Variants in KCNT1 observed in about 807,000 individuals in gnomAD.
The protein encoded by KCNT1 is potassium sodium-activated channel subfamily T member 1, also known as potassium channel subfamily T member 1.
A neutral mutation model predicts 147.8 loss-of-function variants in KCNT1; 78 were observed. The ratio of observed to expected loss-of-function variants is 0.53; its 90% CI spans 0.44 to 0.64. The LOEUF is 0.64. KCNT1 is among the 30% of genes least tolerant of loss of function. KCNT1 has a pLI of 0.00. For synonymous variants in KCNT1, 867 were observed against 748.8 expected (o/e 1.16, Z -2.58); for missense variants, 1,419 against 1,750.3 (o/e 0.81, Z 3.38).
At chr9:135,731,991 T>TATATATATATATATATAGAG (rs1276318460) in intron 2 of KCNT1, among the ~76,000 whole-genome samples, 2 of 21,746 alleles carry the variant, frequency 9.2e-5, no homozygotes, top group African/African-American at 1.7e-4. Flanking sequence ...TATATATATA[T>TATATATATATATATATAGAG]AGAGAGAGAG....
chr9:135,738,605 C>G (rs961470314), intron 2 of KCNT1, among the ~76,000 whole-genome samples: 2 of 152,180 alleles, frequency 1.3e-5, no homozygotes, highest in Non-Finnish European at 2.9e-5. Context: ...AGACTCTGCC[C>G]GTCTCATTGT....
At position 135,739,553 on chromosome 9, in the gene KCNT1, G is replaced by A. The variant is rs540509603; in HGVS notation, c.255-10545G>A. Among the ~76,000 whole-genome samples, 517 of 151,036 alleles carry A rather than the reference G, an allele frequency of 3.4e-3. 2 individuals are homozygous for A. The highest frequency in any genetic ancestry group is 0.011 in the African/African-American group (466 of 40,968). On this transcript the variant is annotated intron_variant, in intron 2 of 30. Transcript: ENST00000371757. Reference sequence around the variant, plus strand: ...TGCTCCTCCATGCCCCCCTCACCCCGGGCACACGCCCGGCGCCCCACCCTC... The same window carrying A: ...TGCTCCTCCATGCCCCCCTCACCCCAGGCACACGCCCGGCGCCCCACCCTC...
chr9:135,764,319 C>T (rs1832110061), intron 11 of KCNT1, among the ~76,000 whole-genome samples: 1 of 151,906 alleles, frequency 6.6e-6, no homozygotes, highest in South Asian at 2.1e-4. Flanking sequence ...ACTAGCTGGT[C>T]ATGGTGGTGA....
intron 24 of KCNT1, among the ~76,000 whole-genome samples, chr9:135,781,995 C>T (rs1833644383): frequency 6.6e-6 from 1 of 152,166 alleles, no homozygotes; most frequent in African/African-American, 2.4e-5. Context: ...GGACGGATCA[C>T]CTGAGGTCAG....
intron 11 of KCNT1, among the ~76,000 whole-genome samples, chr9:135,763,814 G>A (rs10858167): frequency 0.16 from 24,637 of 152,130 alleles, 2,345 homozygotes; most frequent in Non-Finnish European, 0.21. Context: ...CGGAGCTGCC[G>A]TCATTAGCTC....
At chr9:135,720,196 G>A (rs549881074) in intron 2 of KCNT1, among the ~76,000 whole-genome samples, 1 of 151,992 alleles carries the variant, frequency 6.6e-6, no homozygotes, top group Admixed American at 6.5e-5. Flanking sequence ...CCATTCACCC[G>A]ACCCTACCCC....
intron 2 of KCNT1, among the ~76,000 whole-genome samples, chr9:135,745,357 C>T (rs998875148): frequency 1.3e-5 from 2 of 152,150 alleles, no homozygotes; most frequent in African/African-American, 2.4e-5. Flanking sequence ...TTGCCATGAG[C>T]GGGTCCCCTG....
chr9:135,705,623 A>G (rs761713516), intron 1 of KCNT1, among the ~76,000 whole-genome samples: 1 of 152,174 alleles, frequency 6.6e-6, no homozygotes, highest in Non-Finnish European at 1.5e-5. Context: ...GGCATCTTTC[A>G]AAGGTGTCTT....
chr9:135,715,176 G>A (rs1273121660), intron 2 of KCNT1, among the ~76,000 whole-genome samples: 1 of 152,184 alleles, frequency 6.6e-6, no homozygotes, highest in African/African-American at 2.4e-5. Context: ...TCAGGTTCGT[G>A]ACCTGGTCAC....
At chr9:135,743,775 C>T (rs1439674995) in intron 2 of KCNT1, among the ~76,000 whole-genome samples, 1 of 152,234 alleles carries the variant, frequency 6.6e-6, no homozygotes, top group African/African-American at 2.4e-5. Flanking sequence ...CCCAGCTGGA[C>T]TCACCCTTCA....
At position 135,757,047 on chromosome 9, in the gene KCNT1, A is replaced by C. The variant is rs987915835; in HGVS notation, c.601-109A>C. 26 of 926,086 alleles carry C rather than the reference A, an allele frequency of 2.8e-5. No individual in the cohort carries two copies. In the Admixed American group the frequency reaches 4.5e-4, roughly 16 times the overall value. 57.4% of individuals were successfully genotyped at this position (926,086 alleles called of 1,614,324 possible). On this transcript the variant is annotated intron_variant, in intron 7 of 30. Transcript: ENST00000371757. ...TTCCCCACACTTCCCAGCCTCATCC[A>C]CTGACCTCCAGGGTGGGCTCCTCGC...
rs2131427169 is a variant in KCNT1 at position 135,755,157 on chromosome 9, G to A, written c.528G>A (p.Leu176=). 6.2e-7 allele frequency: 1 copy of A among 1,612,058 alleles called. No homozygotes were observed. The highest frequency in any genetic ancestry group is 1.3e-5 in the African/African-American group (1 of 74,954). The stretch of plus-strand genomic sequence containing the variant: ...TGTGGGTGGAGAGAAAGATGACACT[G>A]TGGGCGATCCAGGTGAGTGCCCTAC... ...PILWVERKMT[L]WAIQVIVAII... is the part of the protein sequence containing the mutation. The change falls in exon 6 of 31, where the codon CTG becomes CTA. Residue 176 remains leucine (L), a synonymous_variant. Transcript: ENST00000371757.
chr9:135,745,208 TC>T (rs1830763202), intron 2 of KCNT1, among the ~76,000 whole-genome samples: 1 of 152,208 alleles, frequency 6.6e-6, no homozygotes, highest in African/African-American at 2.4e-5. Context: ...TTCTGCCCCG[TC>T]CTTGCCTATT....
intron 20 of KCNT1, 149 bp from the exon 21 acceptor site, chr9:135,777,189 G>A: frequency 1.3e-6 from 1 of 766,962 alleles, no homozygotes. Context: ...GCTCCCCACA[G>A]GCGTGTGCAG....
intron 2 of KCNT1, among the ~76,000 whole-genome samples, chr9:135,721,418 G>A (rs1365568934): frequency 2.0e-5 from 3 of 152,216 alleles, no homozygotes; most frequent in Admixed American, 6.5e-5. Flanking sequence ...GGCCCTTCTC[G>A]CCCTGGGGCC....
intron 2 of KCNT1, among the ~76,000 whole-genome samples, chr9:135,719,637 G>C (rs1461091657): frequency 6.6e-6 from 1 of 152,208 alleles, no homozygotes; most frequent in South Asian, 2.1e-4. Flanking sequence ...ACACTCCCAG[G>C]CATTAAGCAG....
intron 19 of KCNT1, among the ~76,000 whole-genome samples, chr9:135,773,268 C>T (rs1405732475): frequency 6.6e-6 from 1 of 152,144 alleles, no homozygotes; most frequent in Non-Finnish European, 1.5e-5. Context: ...CTGTCAGGCA[C>T]CAGGCAGCGC....
chr9:135,717,132 T>G (rs1319587109), intron 2 of KCNT1, among the ~76,000 whole-genome samples: 1 of 145,918 alleles, frequency 6.9e-6, no homozygotes, highest in African/African-American at 2.6e-5. Context: ...CCCTGTGGTG[T>G]TGGTGTGTAT....
At chr9:135,704,257 C>T (rs1331321303) in intron 1 of KCNT1, among the ~76,000 whole-genome samples, 3 of 152,198 alleles carry the variant, frequency 2.0e-5, no homozygotes, top group African/African-American at 7.2e-5. Flanking sequence ...TCTGTCTTTC[C>T]TGGGTGCTGG....
Sources: allele counts gnomAD v4.1 joint callset (sites outside exome capture counted in the v4.1 genomes callset), GRCh38; gene constraint gnomAD v4.1.1; transcripts MANE v1.5; gene names NCBI Gene and HGNC (gene_info 2026-07-23, HGNC 2026-07-21).